The following CSAD variants were observed in gnomAD, a reference collection of about 807,000 sequenced individuals.
CSAD encodes the protein cysteine sulfinic acid decarboxylase, also known as P-selectin cytoplasmic tail-associated protein.
Under a neutral mutation model 61.5 loss-of-function variants are expected in CSAD, and 47 were observed. The ratio of observed to expected loss-of-function variants is 0.76; its 90% CI spans 0.60 to 0.97. CSAD has a LOEUF of 0.97. Among genes scored for constraint, CSAD ranks in the 50% least tolerant of loss-of-function variants. The pLI, the probability that CSAD is intolerant of heterozygous loss-of-function variation, is 0.00. For missense variants in CSAD, 611 were observed against 643.6 expected, an observed-to-expected ratio of 0.95 and a Z score of 0.55; for synonymous variants, 245 against 252.7, an observed-to-expected ratio of 0.97 and a Z score of 0.29.
intron 10 of CSAD, among the ~76,000 whole-genome samples, chr12:53,165,999 C>T (rs768553115): frequency 2.6e-5 from 4 of 152,296 alleles, no homozygotes; most frequent in South Asian, 2.1e-4. Context: ...CGTGGATGAA[C>T]CTTGAAGACA....
intron 10 of CSAD, among the ~76,000 whole-genome samples, chr12:53,168,540 TCATAATGTC>T (rs1380336059): frequency 4.9e-4 from 74 of 152,300 alleles, no homozygotes; most frequent in African/African-American, 1.6e-3. Flanking sequence ...CTCATAGGGC[TCATAATGTC>T]CATTCTATAC....
Position 53,160,272 on chromosome 12 carries a change from C to A in CSAD, c.1014G>T (p.Gln338His). 6.2e-7 allele frequency: 1 copy of A among 1,614,212 alleles called. No homozygotes were observed. Among genetic ancestry groups the A allele is most frequent in the Non-Finnish European group, 8.5e-7 (1 of 1,180,036 alleles). The change falls in exon 14 of 17, where the codon CAG becomes CAT. Residue 338 changes from glutamine to histidine, a missense_variant. Transcript: ENST00000444623. ...GAGCCACATCGTAGAACTTGTCCTGCTGGAAAAGGTAGCTGGCCTGGGACC... is the reference window on the plus strand; with the variant it reads ...GAGCCACATCGTAGAACTTGTCCTGATGGAAAAGGTAGCTGGCCTGGGACC... ...CHGSQASYLF[Q>H]QDKFYDVALD...
chr12:53,163,211 G>C (rs985229356), intron 10 of CSAD, among the ~76,000 whole-genome samples: 30 of 151,974 alleles, frequency 2.0e-4, no homozygotes, highest in Non-Finnish European at 3.8e-4. Context: ...CTACAGCCTG[G>C]TCAACAGAGT....
intron 10 of CSAD, among the ~76,000 whole-genome samples, chr12:53,167,292 G>A (rs1036987040): frequency 1.3e-5 from 2 of 152,120 alleles, no homozygotes; most frequent in Admixed American, 6.5e-5. Flanking sequence ...GAAATATCCC[G>A]TGGCCTCTGC....
intron 4 of CSAD, among the ~76,000 whole-genome samples, chr12:53,172,987 T>TA (rs1940764486): frequency 6.6e-6 from 1 of 152,038 alleles, no homozygotes; most frequent in African/African-American, 2.4e-5. Flanking sequence ...GCAGGCAGAT[T>TA]ACCTGAGGTC....
At chr12:53,168,588 A>G (rs1240185081) in intron 10 of CSAD, among the ~76,000 whole-genome samples, 2 of 152,216 alleles carry the variant, frequency 1.3e-5, no homozygotes, top group Non-Finnish European at 2.9e-5. Context: ...TTTAATATAT[A>G]CAGTGGAGAT....
rs544766547 is a variant in CSAD at position 53,171,333 on chromosome 12, G to A, written c.560C>T (p.Ser187Leu). 4 of 1,614,048 alleles carry A rather than the reference G, an allele frequency of 2.5e-6. No individual in the cohort carries two copies. Among genetic ancestry groups the A allele is most frequent in the South Asian group, 2.2e-5 (2 of 91,088 alleles). Residue 187 changes from serine (S) to leucine (L), a missense_variant, in exon 8 of 17, where the codon TCG becomes TTG. Coordinates refer to ENST00000444623, the MANE Select transcript of CSAD (RefSeq NM_001244705.2). ...RTLPPLALFT[S>L]KECHYSIQKG... ...CCTGTGCCTCTTCCCCACCTCCTTC[G>A]ATGTGAATAGGGCCAGGGGCGGCAG...
chr12:53,173,283 AAAG>A, intron 4 of CSAD, 59 bp downstream of exon 4: 2 of 1,474,074 alleles, frequency 1.4e-6, no homozygotes, highest in Non-Finnish European at 1.9e-6. Flanking sequence ...AGAAAGGAAA[AAAG>A]AAAAGAGAAA....
chr12:53,167,152 A>C (rs1360139634), intron 10 of CSAD, among the ~76,000 whole-genome samples: 1 of 152,182 alleles, frequency 6.6e-6, no homozygotes, highest in Non-Finnish European at 1.5e-5. Flanking sequence ...CCACTTGATG[A>C]CTAGGAGAGT....
rs116178788 is a variant in CSAD at position 53,164,084 on chromosome 12, C to T, written c.703-2695G>A. Among the ~76,000 whole-genome samples, 497 of 152,334 alleles carry T rather than the reference C, an allele frequency of 3.3e-3. 5 individuals carry two copies. The highest frequency in any genetic ancestry group is 0.012 in the African/African-American group (481 of 41,578). On this transcript the variant is annotated intron_variant, in intron 10 of 16. Transcript: ENST00000444623. ...CAATGCAGTTTGAATGCTTTTCTCACATCACACCCTCAAATTAATTCATAT... is the reference window on the plus strand; with the variant it reads ...CAATGCAGTTTGAATGCTTTTCTCATATCACACCCTCAAATTAATTCATAT...
rs1386125563 is a variant in CSAD, at chr12:53,160,807, C to T, written c.922G>A (p.Ala308Thr). ...SVAWNPHKLL[A>T]AGLQCSALLL... is the part of the protein sequence containing the mutation. ...AGTGCAGAGCATTGCAGGCCTGCTG[C>T]GAGGAGCTTGTGGGGATTCCAGGCC... Residue 308 changes from alanine (A) to threonine (T), a missense_variant, in exon 13 of 17, where the codon GCA (alanine) becomes ACA (threonine). Transcript: ENST00000444623. The T allele has an allele frequency of 4.5e-6, 7 of 1,551,822 alleles. No individual in the cohort carries two copies. Among genetic ancestry groups the T allele is most frequent in the Non-Finnish European group, 6.1e-6 (7 of 1,147,028 alleles).
At chr12:53,178,079 T>A (rs906237175) in intron 2 of CSAD, among the ~76,000 whole-genome samples, 1 of 152,186 alleles carries the variant, frequency 6.6e-6, no homozygotes, top group Non-Finnish European at 1.5e-5. Flanking sequence ...ACACTAAACA[T>A]TGCCAAAGTT....
At chr12:53,162,742 G>A (rs1026696332) in intron 10 of CSAD, among the ~76,000 whole-genome samples, 1 of 151,542 alleles carries the variant, frequency 6.6e-6, no homozygotes, top group African/African-American at 2.4e-5. Flanking sequence ...GGGCAACCTA[G>A]TGAGACCTCA....
chr12:53,169,079 C>T (rs1034556621), intron 10 of CSAD, among the ~76,000 whole-genome samples: 1 of 151,998 alleles, frequency 6.6e-6, no homozygotes, highest in African/African-American at 2.4e-5. Flanking sequence ...ACTCAGGAGG[C>T]TGAGGCATGA....
upstream of CSAD, chr12:53,181,253 G>A: frequency 2.0e-6 from 2 of 985,458 alleles, no homozygotes; most frequent in Non-Finnish European, 2.4e-6. Flanking sequence ...GAACGCACAC[G>A]TGTGGGCACT....
intron 2 of CSAD, among the ~76,000 whole-genome samples, chr12:53,177,022 C>T (rs964081226): frequency 3.3e-5 from 5 of 152,056 alleles, no homozygotes; most frequent in African/African-American, 4.8e-5. Flanking sequence ...TGAGCCACCT[C>T]GCCTGGCCAA....
chr12:53,159,738 T>C, intron 15 of CSAD, 26 bp from the exon 16 acceptor site: 1 of 1,588,048 alleles, frequency 6.3e-7, no homozygotes, highest in Non-Finnish European at 8.6e-7. Context: ...AAGAGGAAGG[T>C]GTGAGCTGAG....
chr12:53,160,393 G>A, intron 13 of CSAD, 74 bp from the exon 14 acceptor site: 2 of 1,445,836 alleles, frequency 1.4e-6, no homozygotes, highest in Non-Finnish European at 1.9e-6. Flanking sequence ...CACTGTGGGG[G>A]TCTTAGCTCA....
intron 10 of CSAD, among the ~76,000 whole-genome samples, chr12:53,167,789 G>A (rs1940101191): frequency 6.6e-6 from 1 of 152,194 alleles, no homozygotes; most frequent in Non-Finnish European, 1.5e-5. Flanking sequence ...TTGTAAACTG[G>A]TGCAGCCACT....
Sources: gnomAD v4.1 joint callset for allele counts (sites outside exome capture counted in the v4.1 genomes callset) on GRCh38, gnomAD v4.1.1 for gene constraint, MANE v1.5 for transcripts, NCBI Gene and HGNC (gene_info 2026-07-23, HGNC 2026-07-21) for gene names.